The following ST6GALNAC3 variants were observed in gnomAD, a reference collection of about 807,000 sequenced individuals.
ST6GALNAC3 encodes the protein ST6 N-acetylgalactosaminide alpha-2,6-sialyltransferase 3, also known as alpha-N-acetylgalactosaminide alpha-2,6-sialyltransferase 3.
ST6GALNAC3 carries 25 observed loss-of-function variants against 32.7 expected under a neutral mutation model. The ratio of observed to expected loss-of-function variants is 0.76; its 90% CI spans 0.56 to 1.07. ST6GALNAC3 has a LOEUF of 1.07. Among genes scored for constraint, ST6GALNAC3 ranks in the 50% least tolerant of loss-of-function variants. The probability of loss-of-function intolerance (pLI) is 0.00; values close to 1 mark genes in which losing one functional copy is unlikely to be tolerated. For missense variants in ST6GALNAC3, 355 were observed against 382.4 expected (o/e 0.93, Z 0.60); for synonymous variants, 129 against 133.1 (o/e 0.97, Z 0.21).
At chr1:76,140,029 A>G (rs1006955239) in intron 1 of ST6GALNAC3, among the ~76,000 whole-genome samples, 4 of 152,196 alleles carry the variant, frequency 2.6e-5, no homozygotes, top group Admixed American at 1.3e-4. Flanking sequence ...AGATGTATCT[A>G]TCAATCACTG....
At chr1:76,456,177 GAAAAACAAAAAC>G (rs893170587) in intron 3 of ST6GALNAC3, among the ~76,000 whole-genome samples, 3 of 152,044 alleles carry the variant, frequency 2.0e-5, no homozygotes, top group East Asian at 3.9e-4. Context: ...GTCCCAAAAA[GAAAAACAAAAAC>G]AAAAACAAAA....
chr1:76,281,072 G>A (rs12067933), intron 1 of ST6GALNAC3, among the ~76,000 whole-genome samples: 6,430 of 152,162 alleles, frequency 0.042, 441 homozygotes, highest in African/African-American at 0.15. Flanking sequence ...AGATTGGTAA[G>A]CTGAAGCAAA....
intron 2 of ST6GALNAC3, among the ~76,000 whole-genome samples, chr1:76,404,963 T>C (rs1653713537): frequency 6.6e-6 from 1 of 152,162 alleles, no homozygotes; most frequent in Non-Finnish European, 1.5e-5. Flanking sequence ...ATTGAAGTTC[T>C]TGTTTTTACT....
chr1:76,400,902 GA>G (rs11449269), intron 2 of ST6GALNAC3, among the ~76,000 whole-genome samples: 2,380 of 146,564 alleles, frequency 0.016, 50 homozygotes, highest in African/African-American at 0.057. Context: ...TCTCAAAAAA[GA>G]AAAAAAAAAA....
intron 3 of ST6GALNAC3, among the ~76,000 whole-genome samples, chr1:76,437,789 C>T (rs958561090): frequency 1.3e-5 from 2 of 151,856 alleles, no homozygotes; most frequent in Admixed American, 6.6e-5. Flanking sequence ...TTGGCCAGGA[C>T]GGTCTCGATC....
chr1:76,128,170 A>G (rs921373489), intron 1 of ST6GALNAC3, among the ~76,000 whole-genome samples: 2 of 152,174 alleles, frequency 1.3e-5, no homozygotes, highest in Non-Finnish European at 2.9e-5. Flanking sequence ...AGGAGACCTC[A>G]GCATACAAGG....
intron 3 of ST6GALNAC3, among the ~76,000 whole-genome samples, chr1:76,624,879 G>C (rs1648868401): frequency 6.6e-6 from 1 of 151,876 alleles, no homozygotes; most frequent in African/African-American, 2.4e-5. Flanking sequence ...CATCACACAA[G>C]GGAGCATGAA....
chr1:76,121,968 A>G (rs1237365365), intron 1 of ST6GALNAC3, among the ~76,000 whole-genome samples: 1 of 152,106 alleles, frequency 6.6e-6, no homozygotes, highest in Admixed American at 6.5e-5. Context: ...AGACATCTGC[A>G]TGGCTCCCTC....
At chr1:76,399,671 G>T (rs1331850534) in intron 2 of ST6GALNAC3, among the ~76,000 whole-genome samples, 2 of 152,098 alleles carry the variant, frequency 1.3e-5, no homozygotes, top group East Asian at 3.8e-4. Context: ...TTCATTTGAG[G>T]ATAATTTACC....
intron 3 of ST6GALNAC3, among the ~76,000 whole-genome samples, chr1:76,426,545 A>T (rs1655400583): frequency 7.0e-6 from 1 of 142,062 alleles, no homozygotes; most frequent in Admixed American, 7.3e-5. Flanking sequence ...TGTTTTACAG[A>T]TATATATATA....
At chr1:76,455,457 G>C (rs1657706635) in intron 3 of ST6GALNAC3, among the ~76,000 whole-genome samples, 1 of 152,110 alleles carries the variant, frequency 6.6e-6, no homozygotes, top group South Asian at 2.1e-4. Context: ...CTGATTTAGT[G>C]TATATAGGTT....
At chr1:76,095,841 C>T (rs1370507898) in intron 1 of ST6GALNAC3, among the ~76,000 whole-genome samples, 1 of 152,158 alleles carries the variant, frequency 6.6e-6, no homozygotes, top group Non-Finnish European at 1.5e-5. Context: ...ATCTTTTCTC[C>T]CCTCAGGGCT....
At chr1:76,171,599 A>C (rs1469134125) in intron 1 of ST6GALNAC3, among the ~76,000 whole-genome samples, 1 of 152,090 alleles carries the variant, frequency 6.6e-6, no homozygotes, top group Non-Finnish European at 1.5e-5. Flanking sequence ...AAAAATGATA[A>C]AGGGGATATC....
intron 2 of ST6GALNAC3, among the ~76,000 whole-genome samples, chr1:76,345,726 G>T (rs1426366923): frequency 6.6e-6 from 1 of 151,936 alleles, no homozygotes; most frequent in Admixed American, 6.6e-5. Flanking sequence ...TAAAAGGATG[G>T]GGATCTGCTC....
chr1:76,631,869 G>A lies in ST6GALNAC3; in HGVS notation c.*3063G>A, dbSNP rs971428094. 2.0e-5 allele frequency: 3 copies of A among 152,034 alleles called. No homozygotes were observed. Among genetic ancestry groups the A allele is most frequent in the African/African-American group, 7.2e-5 (3 of 41,392 alleles). 9.4% of individuals were successfully genotyped at this position (152,034 alleles called of 1,614,324 possible). ...GGTAATTTAAAAAGAGTTTTAAAAT[G>A]TGTGTTTGAATCTTTTCCAATTTAA... On this transcript the variant is annotated 3_prime_UTR_variant, in exon 5 of 5. Transcript: ENST00000328299.
intron 3 of ST6GALNAC3, among the ~76,000 whole-genome samples, chr1:76,578,120 C>T (rs1338179939): frequency 6.6e-6 from 1 of 151,944 alleles, no homozygotes; most frequent in Non-Finnish European, 1.5e-5. Flanking sequence ...ATTAGAATAT[C>T]CATTTTGAGG....
chr1:76,193,275 C>T (rs1433197208), intron 1 of ST6GALNAC3, among the ~76,000 whole-genome samples: 1 of 152,070 alleles, frequency 6.6e-6, no homozygotes, highest in African/African-American at 2.4e-5. Flanking sequence ...GGGACCCCCA[C>T]CATTAGAAAA....
intron 3 of ST6GALNAC3, among the ~76,000 whole-genome samples, chr1:76,571,585 T>C (rs967394192): frequency 6.6e-6 from 1 of 152,144 alleles, no homozygotes; most frequent in Non-Finnish European, 1.5e-5. Flanking sequence ...GTATTTACTA[T>C]CTTATATTAT....
intron 1 of ST6GALNAC3, among the ~76,000 whole-genome samples, chr1:76,249,313 T>G (rs1472935226): frequency 6.6e-6 from 1 of 152,182 alleles, no homozygotes; most frequent in Non-Finnish European, 1.5e-5. Flanking sequence ...ATTTACCTAC[T>G]CCAGACATAC....
Sources: allele counts gnomAD v4.1 joint callset (sites outside exome capture counted in the v4.1 genomes callset), GRCh38; gene constraint gnomAD v4.1.1; transcripts MANE v1.5; gene names NCBI Gene and HGNC (gene_info 2026-07-23, HGNC 2026-07-21).